TNFRSF8: variants seen among roughly 807,000 people sequenced by gnomAD.
The protein encoded by TNFRSF8 is tumor necrosis factor receptor superfamily member 8.
TNFRSF8 carries 26 observed loss-of-function variants against 70.8 expected under a neutral mutation model. The observed-to-expected ratio is 0.37, with a 90% confidence interval of 0.27 to 0.51. The LOEUF is 0.51. Ranked by LOEUF, TNFRSF8 falls within the 20% of genes least tolerant of loss-of-function variation. The probability of loss-of-function intolerance (pLI) is 0.94; values close to 1 mark genes in which losing one functional copy is unlikely to be tolerated. For missense variants in TNFRSF8, 720 were observed against 807.9 expected (o/e 0.89, Z 1.32); for synonymous variants, 356 against 339.2 (o/e 1.05, Z -0.54).
intron 8 of TNFRSF8, among the ~76,000 whole-genome samples, chr1:12,120,537 T>C (rs1183456171): frequency 6.6e-6 from 1 of 152,208 alleles, no homozygotes; most frequent in East Asian, 1.9e-4. Context: ...TTTCACCTGA[T>C]TTTAAGCGAT....
rs1420411963 is a variant in TNFRSF8, at chr1:12,113,577, GAGAC to G, written c.793+1567_793+1570del. On this transcript the variant is annotated intron_variant, in intron 7 of 14. Coordinates refer to ENST00000263932, the MANE Select transcript of TNFRSF8 (RefSeq NM_001243.5). The surrounding 1 kb of genome is among the most constrained non-coding windows in gnomAD (Gnocchi z 4.9). ...AGAGAAAGAGAGAGACAGAGAGAAAGAGACAGAATGAGAGGGAGAGAGAGAGTGA... is the reference window on the plus strand; with the variant it reads ...AGAGAAAGAGAGAGACAGAGAGAAAGAGAATGAGAGGGAGAGAGAGAGTGA... Among the ~76,000 whole-genome samples, 1 of 116,898 alleles carries G rather than the reference GAGAC, an allele frequency of 8.6e-6. No individual in the cohort carries two copies. The highest frequency in any genetic ancestry group is 3.4e-5 in the African/African-American group (1 of 29,026). 76.7% of individuals were successfully genotyped at this position (116,898 alleles called of 152,430 possible).
intron 1 of TNFRSF8, among the ~76,000 whole-genome samples, chr1:12,080,030 C>A (rs1641036609): frequency 6.6e-6 from 1 of 151,298 alleles, no homozygotes; most frequent in Non-Finnish European, 1.5e-5. Context: ...CTCACTGCAA[C>A]CTCCGCCTCC....
At position 12,071,678 on chromosome 1, in the gene TNFRSF8, C is replaced by T. The variant is rs561562280; in HGVS notation, c.63+8017C>T. ...TCCTGGGTTCAAGTGATTCTCCTGC[C>T]TCAGCCTCCCAAGTAGCTGGGACCA... On this transcript the variant is annotated intron_variant, in intron 1 of 14. Coordinates refer to ENST00000263932, the MANE Select transcript of TNFRSF8 (RefSeq NM_001243.5). 2.7e-3 allele frequency among the ~76,000 whole-genome samples: 417 copies of T among 151,858 alleles called. 2 individuals carry two copies. The highest frequency in any genetic ancestry group is 9.6e-3 in the African/African-American group (400 of 41,528).
intron 6 of TNFRSF8, 123 bp from the exon 7 acceptor site, chr1:12,111,775 C>T (rs1570044694): frequency 2.6e-6 from 2 of 773,924 alleles, no homozygotes; most frequent in Non-Finnish European, 4.6e-6. Context: ...AAAGGCTGGA[C>T]TGAGCTGACA....
chr1:12,109,443 A>G lies in TNFRSF8; in HGVS notation c.422-123A>G. ...CGGGTGCCAGGCGGGTGCCACCTCC[A>G]GATGACTGCTGTGTTTTCCAAGGGC... On this transcript the variant is annotated intron_variant, in intron 4 of 14. Transcript: ENST00000263932. The surrounding 1 kb of genome is among the most constrained non-coding windows in gnomAD (Gnocchi z 4.4). 4.2e-6 allele frequency: 3 copies of G among 722,030 alleles called. No individual in the cohort carries two copies. The allele number at this position is 722,030 out of a possible 1,614,324, so 44.7% of individuals were successfully genotyped here. A position where few individuals can be genotyped will look rare whatever the true frequency, so the allele number is the denominator to read the frequency against.
chr1:12,103,053 T>C (rs990504753), intron 3 of TNFRSF8, among the ~76,000 whole-genome samples: 14 of 152,094 alleles, frequency 9.2e-5, no homozygotes, highest in African/African-American at 3.4e-4. Flanking sequence ...CAGTCCTTTG[T>C]CCATTAAAAA....
At position 12,138,454 on chromosome 1, in the gene TNFRSF8, G is replaced by A; in HGVS notation, c.1543+18G>A. On this transcript the variant is annotated intron_variant, in intron 14 of 14. Coordinates refer to ENST00000263932, the MANE Select transcript of TNFRSF8 (RefSeq NM_001243.5). The surrounding 1 kb of genome is among the most constrained non-coding windows in gnomAD (Gnocchi z 5.7). ...CAAGATTGGTGAGTCAGCCTGTTTTGGGAGGTCCCCTGCAGCCCAGGGGCA... is the reference window on the plus strand; with the variant it reads ...CAAGATTGGTGAGTCAGCCTGTTTTAGGAGGTCCCCTGCAGCCCAGGGGCA... 6.2e-7 allele frequency: 1 copy of A among 1,601,338 alleles called. No individual in the cohort carries two copies. Among genetic ancestry groups the A allele is most frequent in the Non-Finnish European group, 8.5e-7 (1 of 1,171,476 alleles).
intron 9 of TNFRSF8, 127 bp from the exon 10 acceptor site, chr1:12,123,588 G>A: frequency 1.0e-6 from 1 of 974,792 alleles, no homozygotes; most frequent in Non-Finnish European, 1.5e-6. Flanking sequence ...GCCTGGCAGA[G>A]ACTCGGGGCA....
At position 12,138,246 on chromosome 1, in the gene TNFRSF8, G is replaced by A. The variant is rs766422849; in HGVS notation, c.1353G>A (p.Ala451=). Residue 451 remains alanine (A), a synonymous_variant, in exon 14 of 15, where the codon GCG becomes GCA. Coordinates refer to ENST00000263932, the MANE Select transcript of TNFRSF8 (RefSeq NM_001243.5). This position sits in a 1 kb window ranked among gnomAD's most constrained non-coding sequence, Gnocchi z 5.7. ...RRSSTQLRSG[A]SVTEPVAEER... Reference sequence around the variant, plus strand: ...TCCCACAGCAGCTGAGGAGTGGTGCGTCGGTGACAGAACCCGTCGCGGAAG... The same window carrying A: ...TCCCACAGCAGCTGAGGAGTGGTGCATCGGTGACAGAACCCGTCGCGGAAG... 1.5e-5 allele frequency: 25 copies of A among 1,613,550 alleles called. 1 individual carries two copies. Among genetic ancestry groups the A allele is most frequent in the South Asian group, 6.6e-5 (6 of 91,076 alleles).
intron 1 of TNFRSF8, among the ~76,000 whole-genome samples, chr1:12,073,887 C>T (rs139155804): frequency 0.013 from 2,010 of 152,046 alleles, 42 homozygotes; most frequent in African/African-American, 0.045. Context: ...GGAGCCACCG[C>T]ACCCAGCCCA....
intron 12 of TNFRSF8, among the ~76,000 whole-genome samples, chr1:12,127,542 C>T (rs1641964767): frequency 6.6e-6 from 1 of 152,268 alleles, no homozygotes; most frequent in Non-Finnish European, 1.5e-5. Context: ...GGCCCGTCCC[C>T]TGATCTCCCC....
intron 2 of TNFRSF8, among the ~76,000 whole-genome samples, chr1:12,090,308 C>T (rs1641226329): frequency 6.6e-6 from 1 of 151,512 alleles, no homozygotes; most frequent in Admixed American, 6.6e-5. Context: ...ATCTATCCAC[C>T]CATCCACCTT....
chr1:12,143,671 G>A lies in TNFRSF8; in HGVS notation c.*1140G>A, dbSNP rs772731732. ...TGGGTTTTTCACATTTCACGCTAAGGAGTAGTGGCCCTGACTTCCGGTCGG... is the reference window on the plus strand; with the variant it reads ...TGGGTTTTTCACATTTCACGCTAAGAAGTAGTGGCCCTGACTTCCGGTCGG... On this transcript the variant is annotated 3_prime_UTR_variant, in exon 15 of 15. Transcript: ENST00000263932. This position sits in a 1 kb window ranked among gnomAD's most constrained non-coding sequence, Gnocchi z 4.1. 8 of 152,286 alleles carry A rather than the reference G, an allele frequency of 5.3e-5. No individual in the cohort carries two copies. The highest frequency in any genetic ancestry group is 1.2e-4 in the Non-Finnish European group (8 of 68,122). 9.4% of individuals were successfully genotyped at this position (152,286 alleles called of 1,614,324 possible). A position where few individuals can be genotyped will look rare whatever the true frequency, so the allele number is the denominator to read the frequency against.
Position 12,142,160 on chromosome 1 carries a change from C to A in TNFRSF8, c.1544-127C>A. The A allele has an allele frequency of 7.7e-7, 1 of 1,303,586 alleles. No individual in the cohort carries two copies. The highest frequency in any genetic ancestry group is 1.0e-6 in the Non-Finnish European group (1 of 965,560). 80.8% of individuals were successfully genotyped at this position (1,303,586 alleles called of 1,614,324 possible). ...ATGCCTGTAAGGTACATCAGAGAGG[C>A]TGTGCCATCAGCCTGAAGCCACCCG... On this transcript the variant is annotated intron_variant, in intron 14 of 14. Coordinates refer to ENST00000263932, the MANE Select transcript of TNFRSF8 (RefSeq NM_001243.5). This position sits in a 1 kb window ranked among gnomAD's most constrained non-coding sequence, Gnocchi z 5.0.
chr1:12,101,465 C>T (rs576986914), intron 3 of TNFRSF8, among the ~76,000 whole-genome samples: 18 of 151,936 alleles, frequency 1.2e-4, no homozygotes, highest in Non-Finnish European at 2.5e-4. Context: ...ACAGTAAGTA[C>T]GTAAACCAGC....
In TNFRSF8 at chr1:12,114,997, G is replaced by A. The variant is rs1036681711; in HGVS notation, c.794-580G>A. 1.6e-4 allele frequency among the ~76,000 whole-genome samples: 24 copies of A among 152,148 alleles called. No individual in the cohort carries two copies. The East Asian group carries it at 4.3e-3, about 27-fold the overall frequency. On this transcript the variant is annotated intron_variant, in intron 7 of 14. Transcript: ENST00000263932. ...GCCGGGATTACAGTCGTGAGCCACC[G>A]TGTCTGGCCAAAAAATCTTTTTATT...
chr1:12,108,074 A>ATTTTTTTTTTTTTTTTTTTTT lies in TNFRSF8; in HGVS notation c.422-1485_422-1484insTTTTTTTTTTTTTTTTTTTTT, dbSNP rs199941905. On this transcript the variant is annotated intron_variant, in intron 4 of 14. Coordinates refer to ENST00000263932, the MANE Select transcript of TNFRSF8 (RefSeq NM_001243.5). This position sits in a 1 kb window ranked among gnomAD's most constrained non-coding sequence, Gnocchi z 4.0. ...CGAAGTCCCACACATACAGGCCACCATTTTTTTATTTTTTTTTTTTTTGTG... is the reference window on the plus strand; with the variant it reads ...CGAAGTCCCACACATACAGGCCACCATTTTTTTTTTTTTTTTTTTTTTTTTTTTATTTTTTTTTTTTTTGTG... Among the ~76,000 whole-genome samples, 20 of 146,210 alleles carry ATTTTTTTTTTTTTTTTTTTTT rather than the reference A, an allele frequency of 1.4e-4. No homozygotes were observed. The highest frequency in any genetic ancestry group is 2.2e-4 in the South Asian group (1 of 4,526).
At position 12,141,160 on chromosome 1, in the gene TNFRSF8, T is replaced by C. The variant is rs1024996924; in HGVS notation, c.1544-1127T>C. The stretch of plus-strand genomic sequence containing the variant: ...GGGTGTGGGGGACTCGAGAACCTTT[T>C]TGGGGTTCCTGAATCCGAGGGGTAT... On this transcript the variant is annotated intron_variant, in intron 14 of 14. Coordinates refer to ENST00000263932, the MANE Select transcript of TNFRSF8 (RefSeq NM_001243.5). This position sits in a 1 kb window ranked among gnomAD's most constrained non-coding sequence, Gnocchi z 5.4. 6.6e-5 allele frequency among the ~76,000 whole-genome samples: 10 copies of C among 151,898 alleles called. No homozygotes were observed. Among genetic ancestry groups the C allele is most frequent in the Non-Finnish European group, 1.5e-4 (10 of 67,958 alleles).
At chr1:12,081,321 A>C (rs1224157324) in intron 1 of TNFRSF8, among the ~76,000 whole-genome samples, 1 of 152,080 alleles carries the variant, frequency 6.6e-6, no homozygotes, top group East Asian at 1.9e-4. Flanking sequence ...ACAAGGACCC[A>C]GAATGTTCCC....
Sources: allele counts gnomAD v4.1 joint callset (sites outside exome capture counted in the v4.1 genomes callset), GRCh38; gene constraint gnomAD v4.1.1; non-coding constraint Gnocchi (gnomAD v3.1); transcripts MANE v1.5; gene names NCBI Gene and HGNC (gene_info 2026-07-23, HGNC 2026-07-21).